GMDS: variants seen among roughly 807,000 people sequenced by gnomAD.
GMDS encodes the protein GDP-mannose 4,6 dehydratase.
Under a neutral mutation model 49.9 loss-of-function variants are expected in GMDS, and 20 were observed. That is an observed-to-expected ratio of 0.40 (90% CI 0.28 to 0.58). The LOEUF (loss-of-function observed/expected upper bound fraction) is 0.58. Ranked by LOEUF, GMDS falls within the 20% of genes least tolerant of loss-of-function variation. The probability of loss-of-function intolerance (pLI) is 0.42; values close to 1 mark genes in which losing one functional copy is unlikely to be tolerated. For synonymous variants in GMDS, 177 were observed against 178.6 expected (o/e 0.99, Z 0.07); for missense variants, 362 against 481.4 (o/e 0.75, Z 2.32).
chr6:2,184,200 C>T (rs1413942076), intron 1 of GMDS, among the ~76,000 whole-genome samples: 10 of 152,154 alleles, frequency 6.6e-5, no homozygotes, highest in Admixed American at 2.0e-4. Flanking sequence ...CAACATCTCT[C>T]GCCTGACTAC....
chr6:2,173,116 A>G (rs1323905949), intron 1 of GMDS, among the ~76,000 whole-genome samples: 2 of 152,226 alleles, frequency 1.3e-5, no homozygotes, highest in Non-Finnish European at 2.9e-5. Flanking sequence ...TTAAAAAAGA[A>G]ATCTGCACTT....
At chr6:1,872,702 G>A (rs1274639030) in intron 7 of GMDS, among the ~76,000 whole-genome samples, 1 of 152,260 alleles carries the variant, frequency 6.6e-6, no homozygotes, top group Non-Finnish European at 1.5e-5. Flanking sequence ...CGGTCAGAGG[G>A]CTGTTTGTGG....
At chr6:2,116,309 G>C (rs978140810) in intron 3 of GMDS, among the ~76,000 whole-genome samples, 13 of 152,110 alleles carry the variant, frequency 8.5e-5, no homozygotes, top group Non-Finnish European at 1.0e-4. Flanking sequence ...CTTTTATCTA[G>C]TAATTTTCAA....
chr6:1,769,726 G>A (rs543991942), intron 7 of GMDS, among the ~76,000 whole-genome samples: 1 of 150,846 alleles, frequency 6.6e-6, no homozygotes, highest in Non-Finnish European at 1.5e-5. Context: ...TTTTTGAGAC[G>A]GAGTCTTGCA....
At chr6:1,857,405 G>A (rs1302008226) in intron 7 of GMDS, among the ~76,000 whole-genome samples, 4 of 152,176 alleles carry the variant, frequency 2.6e-5, no homozygotes, top group Non-Finnish European at 4.4e-5. Context: ...CCTCTGTGGT[G>A]TGTTACATTG....
chr6:1,645,915 T>G (rs2113199046), intron 9 of GMDS, among the ~76,000 whole-genome samples: 1 of 152,336 alleles, frequency 6.6e-6, no homozygotes, highest in African/African-American at 2.4e-5. Context: ...CCCACTACCC[T>G]GTCGTCTGCC....
intron 9 of GMDS, among the ~76,000 whole-genome samples, chr6:1,714,385 G>C (rs376762669): frequency 1.5e-4 from 23 of 150,398 alleles, no homozygotes; most frequent in African/African-American, 5.7e-4. Context: ...ATATATTTAA[G>C]TTCTTTGCAC....
At chr6:2,211,652 C>G (rs1780066649) in intron 1 of GMDS, among the ~76,000 whole-genome samples, 1 of 152,002 alleles carries the variant, frequency 6.6e-6, no homozygotes, top group South Asian at 2.1e-4. Flanking sequence ...CCAAAAATAA[C>G]TAGAAAAAAT....
chr6:1,669,060 T>TA (rs2113273677), intron 9 of GMDS, among the ~76,000 whole-genome samples: 1 of 152,376 alleles, frequency 6.6e-6, no homozygotes, highest in South Asian at 2.1e-4. Context: ...TCTGCAACAT[T>TA]AAAATCTAAT....
At chr6:2,042,128 C>T (rs758377955) in intron 4 of GMDS, among the ~76,000 whole-genome samples, 8 of 152,142 alleles carry the variant, frequency 5.3e-5, no homozygotes, top group Non-Finnish European at 1.2e-4. Context: ...TTAGAAAAGG[C>T]AGTAAAGAAA....
chr6:1,995,476 T>C (rs1766219017), intron 4 of GMDS, among the ~76,000 whole-genome samples: 1 of 151,056 alleles, frequency 6.6e-6, no homozygotes, highest in African/African-American at 2.4e-5. Context: ...GTCCACAGTA[T>C]TCCATCCCTG....
At chr6:1,719,081 T>G (rs1286842741) in intron 9 of GMDS, among the ~76,000 whole-genome samples, 2 of 152,200 alleles carry the variant, frequency 1.3e-5, no homozygotes, top group Non-Finnish European at 2.9e-5. Flanking sequence ...CAGTTCCTAT[T>G]GCTGAGTAAC....
At chr6:1,673,691 C>T (rs951514715) in intron 9 of GMDS, among the ~76,000 whole-genome samples, 23 of 152,118 alleles carry the variant, frequency 1.5e-4, no homozygotes, top group Non-Finnish European at 5.9e-5. Context: ...CCCCTGTGCT[C>T]TTCCTCTATC....
chr6:2,094,990 A>C (rs548828718), intron 4 of GMDS, among the ~76,000 whole-genome samples: 1 of 152,156 alleles, frequency 6.6e-6, no homozygotes, highest in African/African-American at 2.4e-5. Context: ...TTTTCTCACT[A>C]AGAATCAAAT....
intron 1 of GMDS, among the ~76,000 whole-genome samples, chr6:2,132,646 C>T (rs1775797794): frequency 6.6e-6 from 1 of 152,198 alleles, no homozygotes; most frequent in Non-Finnish European, 1.5e-5. Context: ...AATACTACCA[C>T]ACTGACCTCT....
At chr6:1,958,134 T>TA (rs1561922888) in intron 6 of GMDS, among the ~76,000 whole-genome samples, 3 of 136,168 alleles carry the variant, frequency 2.2e-5, no homozygotes, top group Admixed American at 1.5e-4. Flanking sequence ...TTTTTTTTTT[T>TA]AGTTAGTGGT....
At chr6:2,060,506 C>T (rs1771083294) in intron 4 of GMDS, among the ~76,000 whole-genome samples, 1 of 152,154 alleles carries the variant, frequency 6.6e-6, no homozygotes, top group African/African-American at 2.4e-5. Context: ...ATTTGAGACA[C>T]CATTCTAGCT....
chr6:1,687,353 C>A lies in GMDS; in HGVS notation c.987+39063G>T, dbSNP rs141261427. Among the ~76,000 whole-genome samples the A allele has an allele frequency of 1.8e-4, 27 of 152,352 alleles. No homozygotes were observed. The East Asian group carries it at 5.2e-3, about 29-fold the overall frequency. On this transcript the variant is annotated intron_variant, in intron 9 of 10. Transcript: ENST00000380815. ...CCTGGAAGTGGCGCAGGCCTCCAAC[C>A]TCCAGGGGAGGAGGATGAGGCCAAT...
At chr6:1,716,042 GTCTT>G (rs1766165129) in intron 9 of GMDS, among the ~76,000 whole-genome samples, 1 of 152,146 alleles carries the variant, frequency 6.6e-6, no homozygotes, top group Non-Finnish European at 1.5e-5. Flanking sequence ...AATATACAGT[GTCTT>G]TCTAATACCA....
Sources: allele counts gnomAD v4.1 joint callset (sites outside exome capture counted in the v4.1 genomes callset), GRCh38; gene constraint gnomAD v4.1.1; transcripts MANE v1.5; gene names NCBI Gene and HGNC (gene_info 2026-07-23, HGNC 2026-07-21).